The following RNF130 variants were observed in gnomAD, a reference collection of about 807,000 sequenced individuals.
RNF130 encodes the protein ring finger protein 130.
RNF130 carries 21 observed loss-of-function variants against 44.6 expected under a neutral mutation model. That is an observed-to-expected ratio of 0.47 (90% CI 0.33 to 0.68). RNF130 has a LOEUF of 0.68. Ranked by LOEUF, RNF130 falls within the 30% of genes least tolerant of loss-of-function variation. RNF130 has a pLI of 0.02. For synonymous variants in RNF130, 214 were observed against 210.4 expected, an observed-to-expected ratio of 1.02 and a Z score of -0.15; for missense variants, 479 against 560.6, an observed-to-expected ratio of 0.85 and a Z score of 1.47.
At chr5:179,934,036 G>A (rs905974257) in intron 7 of RNF130, 5 of 276,124 alleles carry the variant, frequency 1.8e-5, no homozygotes, top group African/African-American at 4.5e-5. Context: ...GCTCTGTGAC[G>A]ATCAGATTTC....
intron 1 of RNF130, among the ~76,000 whole-genome samples, chr5:180,058,151 C>G (rs562587615): frequency 6.6e-6 from 1 of 152,080 alleles, no homozygotes; most frequent in South Asian, 2.1e-4. Context: ...TGCTGGGGAG[C>G]GAGGAGGGAA....
chr5:180,015,281 C>A (rs765202918), intron 2 of RNF130: 5 of 499,458 alleles, frequency 1.0e-5, no homozygotes, highest in African/African-American at 5.8e-5. Context: ...AAATGTTGTT[C>A]AACGGGCCAT....
intron 1 of RNF130, among the ~76,000 whole-genome samples, chr5:180,053,681 G>A (rs1764737386): frequency 1.3e-5 from 2 of 152,022 alleles, no homozygotes; most frequent in South Asian, 4.2e-4. Flanking sequence ...ACTGCCCAGG[G>A]CCAACTAAAT....
At chr5:179,987,877 G>C (rs1193190100) in intron 3 of RNF130, among the ~76,000 whole-genome samples, 1 of 152,152 alleles carries the variant, frequency 6.6e-6, no homozygotes, top group East Asian at 1.9e-4. Flanking sequence ...GCTTCGTACT[G>C]GGTTGAGGCT....
At chr5:179,959,583 C>T (rs986254959) in intron 8 of RNF130, among the ~76,000 whole-genome samples, 37 of 150,978 alleles carry the variant, frequency 2.5e-4, no homozygotes, top group Admixed American at 2.2e-3. Context: ...GCTGAGATGG[C>T]GCCACTGTAC....
intron 2 of RNF130, among the ~76,000 whole-genome samples, chr5:180,032,160 T>A (rs1246753431): frequency 6.6e-6 from 1 of 152,240 alleles, no homozygotes; most frequent in Non-Finnish European, 1.5e-5. Flanking sequence ...ATCTTTTCAT[T>A]GTTTTTCAAT....
At chr5:179,935,272 A>C (rs888466462) in intron 7 of RNF130, among the ~76,000 whole-genome samples, 2 of 152,220 alleles carry the variant, frequency 1.3e-5, no homozygotes, top group Non-Finnish European at 2.9e-5. Flanking sequence ...ATTGAAATTT[A>C]TCATCCAGCA....
At chr5:180,057,287 G>A (rs1027730564) in intron 1 of RNF130, among the ~76,000 whole-genome samples, 6 of 152,190 alleles carry the variant, frequency 3.9e-5, no homozygotes, top group Non-Finnish European at 2.9e-5. Flanking sequence ...AGTGGCTCAC[G>A]CCTGTAATCC....
intron 2 of RNF130, among the ~76,000 whole-genome samples, chr5:180,037,147 T>C (rs1426226614): frequency 6.6e-6 from 1 of 152,234 alleles, no homozygotes; most frequent in Non-Finnish European, 1.5e-5. Flanking sequence ...GTGCCACAAT[T>C]AATCCAGTCT....
At chr5:179,975,315 G>A (rs749459404) in intron 5 of RNF130, among the ~76,000 whole-genome samples, 13 of 152,196 alleles carry the variant, frequency 8.5e-5, no homozygotes, top group South Asian at 4.1e-4. Flanking sequence ...TCAGCTCAGC[G>A]GTTCTCATCT....
At chr5:179,971,591 C>T (rs1273036021) in intron 5 of RNF130, among the ~76,000 whole-genome samples, 2 of 152,188 alleles carry the variant, frequency 1.3e-5, no homozygotes, top group Middle Eastern at 3.4e-3. Flanking sequence ...GGATGGTTTC[C>T]ATCTCCTGAC....
At chr5:179,978,099 A>T (rs2113716059) in intron 5 of RNF130, 104 bp downstream of exon 5, 2 of 951,752 alleles carry the variant, frequency 2.1e-6, no homozygotes, top group East Asian at 2.5e-5. Flanking sequence ...CCAGAAAGCC[A>T]CGAGGTGGGT....
At chr5:179,920,753 C>G (rs911462287) in intron 7 of RNF130, among the ~76,000 whole-genome samples, 1 of 150,242 alleles carries the variant, frequency 6.7e-6, no homozygotes, top group Non-Finnish European at 1.5e-5. Context: ...GACTGCCCCC[C>G]AGCCCTCTCA....
chr5:179,920,503 C>T, intron 7 of RNF130: 1 of 665,192 alleles, frequency 1.5e-6, no homozygotes, highest in Non-Finnish European at 2.8e-6. Context: ...GGAAACAATG[C>T]AGATTATCTT....
intron 6 of RNF130, among the ~76,000 whole-genome samples, chr5:179,968,877 C>T (rs564648900): frequency 6.6e-6 from 1 of 152,102 alleles, no homozygotes; most frequent in South Asian, 2.1e-4. Flanking sequence ...CACAGGACAG[C>T]CCCCACAAGA....
At chr5:180,003,389 C>T (rs1294197401) in intron 3 of RNF130, among the ~76,000 whole-genome samples, 3 of 152,220 alleles carry the variant, frequency 2.0e-5, no homozygotes, top group Non-Finnish European at 2.9e-5. Flanking sequence ...GTTATCTAAT[C>T]AGAGACCTAC....
intron 2 of RNF130, among the ~76,000 whole-genome samples, chr5:180,030,715 T>A (rs956237290): frequency 6.6e-6 from 1 of 152,204 alleles, no homozygotes; most frequent in African/African-American, 2.4e-5. Flanking sequence ...AGCTCTACCC[T>A]ACACAGCCAC....
At chr5:180,059,599 C>T (rs984236840) in intron 1 of RNF130, among the ~76,000 whole-genome samples, 8 of 152,012 alleles carry the variant, frequency 5.3e-5, no homozygotes, top group African/African-American at 1.9e-4. Flanking sequence ...TGAGAAGGTG[C>T]ATCACTGACC....
chr5:179,957,792 G>T (rs1235648038), intron 8 of RNF130, among the ~76,000 whole-genome samples: 1 of 152,220 alleles, frequency 6.6e-6, no homozygotes, highest in Non-Finnish European at 1.5e-5. Context: ...ACCTCAAACA[G>T]AGGTTAATTT....
Sources: allele counts gnomAD v4.1 joint callset (sites outside exome capture counted in the v4.1 genomes callset), GRCh38; gene constraint gnomAD v4.1.1; transcripts MANE v1.5; gene names NCBI Gene and HGNC (gene_info 2026-07-23, HGNC 2026-07-21).